Variants in DSE observed in about 807,000 individuals in gnomAD.
The protein encoded by DSE is dermatan sulfate epimerase.
In DSE, 36 loss-of-function variants were observed where a neutral mutation model predicts 84.4. That is an observed-to-expected ratio of 0.43 (90% CI 0.33 to 0.56). DSE has a LOEUF of 0.56. DSE is among the 20% of genes least tolerant of loss of function. The pLI, the probability that DSE is intolerant of heterozygous loss-of-function variation, is 0.06. For missense variants in DSE, 862 were observed against 1,169.6 expected (o/e 0.74, Z 3.84); for synonymous variants, 410 against 430.1 (o/e 0.95, Z 0.58).
At chr6:116,434,002 CA>C (rs948636734) in intron 5 of DSE, among the ~76,000 whole-genome samples, 8 of 150,986 alleles carry the variant, frequency 5.3e-5, no homozygotes, top group Non-Finnish European at 1.0e-4. Flanking sequence ...ATAATCACAC[CA>C]AAAAAAAGGT....
intron 2 of DSE, among the ~76,000 whole-genome samples, chr6:116,314,429 T>G (rs1214660094): frequency 6.6e-6 from 1 of 152,194 alleles, no homozygotes; most frequent in East Asian, 1.9e-4. Context: ...AAACAAACAT[T>G]AGTCATTCTG....
chr6:116,324,252 C>T (rs2114770793), intron 2 of DSE, among the ~76,000 whole-genome samples: 1 of 152,308 alleles, frequency 6.6e-6, no homozygotes, highest in Middle Eastern at 3.4e-3. Flanking sequence ...TTGCCATTGG[C>T]AGGTGGGCAG....
intron 2 of DSE, among the ~76,000 whole-genome samples, chr6:116,299,504 TTATATATATATATA>T (rs71553739): frequency 8.7e-5 from 1 of 11,514 alleles, no homozygotes; most frequent in African/African-American, 1.9e-4. Flanking sequence ...TGAATTATTT[TTATATATATATATA>T]TATATATATA....
intron 2 of DSE, among the ~76,000 whole-genome samples, chr6:116,292,352 A>G (rs1253997860): frequency 6.6e-6 from 1 of 152,192 alleles, no homozygotes; most frequent in Middle Eastern, 3.2e-3. Context: ...GGATGCAGCC[A>G]TATTGAGTGA....
intron 2 of DSE, chr6:116,355,544 T>C (rs569650396): frequency 6.6e-6 from 1 of 152,370 alleles, no homozygotes. Context: ...TTGTCCATGC[T>C]TAAATGATTT....
At chr6:116,390,330 A>G (rs755324676) in intron 1 of DSE, among the ~76,000 whole-genome samples, 1 of 152,076 alleles carries the variant, frequency 6.6e-6, no homozygotes, top group Non-Finnish European at 1.5e-5. Flanking sequence ...CAGCCTCCCA[A>G]CTGCTGGGAT....
intron 2 of DSE, among the ~76,000 whole-genome samples, chr6:116,316,643 G>A (rs1327583509): frequency 6.6e-6 from 1 of 151,838 alleles, no homozygotes; most frequent in Non-Finnish European, 1.5e-5. Context: ...ACAATAATGG[G>A]ACTTGGTGCG....
intron 2 of DSE, among the ~76,000 whole-genome samples, chr6:116,352,689 C>T (rs1439198735): frequency 6.7e-6 from 1 of 148,620 alleles, no homozygotes. Context: ...AGTAAGATGG[C>T]CAAGAAAAAA....
At chr6:116,387,299 G>GA (rs1402241902) in intron 1 of DSE, among the ~76,000 whole-genome samples, 6 of 151,714 alleles carry the variant, frequency 4.0e-5, no homozygotes, top group South Asian at 2.1e-4. Context: ...CAGTACTTAG[G>GA]AAAAAAAAGC....
intron 2 of DSE, among the ~76,000 whole-genome samples, chr6:116,330,499 A>G (rs988260525): frequency 6.6e-6 from 1 of 152,218 alleles, no homozygotes; most frequent in Admixed American, 6.5e-5. Flanking sequence ...ACTCTTAATA[A>G]TCAAGAAATA....
intron 2 of DSE, among the ~76,000 whole-genome samples, chr6:116,345,299 A>C (rs1777883021): frequency 6.6e-6 from 1 of 152,208 alleles, no homozygotes; most frequent in African/African-American, 2.4e-5. Flanking sequence ...CTTCACCCCA[A>C]ATCAACAGAA....
exon 2 of DSE, chr6:116,258,498 G>T (rs558977205): frequency 2.7e-6 from 3 of 1,105,254 alleles, no homozygotes; most frequent in East Asian, 2.4e-5. Flanking sequence ...GAAAATCAGC[G>T]GTTGGACTTG....
At chr6:116,397,995 A>C (rs1781364538) in intron 1 of DSE, among the ~76,000 whole-genome samples, 2 of 152,306 alleles carry the variant, frequency 1.3e-5, no homozygotes, top group South Asian at 4.1e-4. Flanking sequence ...TCTTCTTCTA[A>C]ATATGATGAG....
In DSE at chr6:116,435,786, A is replaced by G. The variant is rs1266516966; in HGVS notation, c.1318A>G (p.Ile440Val). 14 of 1,614,160 alleles carry G rather than the reference A, an allele frequency of 8.7e-6. No homozygotes were observed. Among genetic ancestry groups the G allele is most frequent in the Non-Finnish European group, 1.1e-5 (13 of 1,180,014 alleles). The stretch of plus-strand genomic sequence containing the variant: ...CCACAGAAACAAATACAAAGATTGG[A>G]TCAAAGGATGGAGAAATTTTAATGC... Reference protein sequence around the residue: ...IVHRNKYKDWIKGWRNFNAGH... With the variant: ...IVHRNKYKDWVKGWRNFNAGH... The change falls in exon 6 of 6, where the codon ATC (isoleucine) becomes GTC (valine). Residue 440 changes from isoleucine (I) to valine (V), a missense_variant. By Grantham distance (29) the Ile-to-Val change is conservative (BLOSUM62 3). Transcript: ENST00000644252.
intron 2 of DSE, among the ~76,000 whole-genome samples, chr6:116,260,106 A>G (rs1217446193): frequency 6.6e-6 from 1 of 152,170 alleles, no homozygotes; most frequent in Non-Finnish European, 1.5e-5. Flanking sequence ...ACTCCCACCA[A>G]CAGTGTATAA....
In DSE at chr6:116,437,119, G is replaced by A. The variant is rs35363262; in HGVS notation, c.2651G>A (p.Arg884Gln). The change falls in exon 6 of 6, where the codon CGG (arginine) becomes CAG (glutamine). Residue 884 changes from arginine (R) to glutamine (Q), a missense_variant. Physicochemically the swap from Arg to Gln is conservative, Grantham distance 43. Coordinates refer to ENST00000644252, the MANE Select transcript of DSE (RefSeq NM_013352.4). ...ATTAAAGGCCGGTTTGGACAGGCAC[G>A]GATGGTGACAACTACACACAGCAGG... ...GLIKGRFGQA[R>Q]MVTTTHSRAP... 3.0e-4 allele frequency: 492 copies of A among 1,614,070 alleles called. 5 individuals are homozygous for A. In the African/African-American group the frequency reaches 5.5e-3, roughly 18 times the overall value.
At chr6:116,314,635 G>A (rs925036104) in intron 2 of DSE, among the ~76,000 whole-genome samples, 2 of 152,138 alleles carry the variant, frequency 1.3e-5, no homozygotes. Flanking sequence ...TGGGGAAATG[G>A]TCAGATTTGC....
chr6:116,286,859 C>T (rs1020046770), intron 2 of DSE, among the ~76,000 whole-genome samples: 1 of 151,996 alleles, frequency 6.6e-6, no homozygotes, highest in African/African-American at 2.4e-5. Context: ...GAAAAGCTCC[C>T]CTTGGTACAT....
At chr6:116,390,057 C>T (rs1161829440) in intron 1 of DSE, among the ~76,000 whole-genome samples, 7 of 151,302 alleles carry the variant, frequency 4.6e-5, no homozygotes, top group South Asian at 2.1e-4. Context: ...CAATGCCTAA[C>T]ATAGTTCCAG....
Sources: gnomAD v4.1 joint callset for allele counts (sites outside exome capture counted in the v4.1 genomes callset) on GRCh38, gnomAD v4.1.1 for gene constraint, MANE v1.5 for transcripts, NCBI Gene and HGNC (gene_info 2026-07-23, HGNC 2026-07-21) for gene names.